The following WDR24 variants were observed in gnomAD, a reference collection of about 807,000 sequenced individuals.
The protein encoded by WDR24 is GATOR2 complex protein WDR24.
A neutral mutation model predicts 66.7 loss-of-function variants in WDR24; 32 were observed. That is an observed-to-expected ratio of 0.48 (90% CI 0.36 to 0.64). The LOEUF (loss-of-function observed/expected upper bound fraction) is 0.64. Ranked by LOEUF, WDR24 falls within the 30% of genes least tolerant of loss-of-function variation. WDR24 has a pLI of 0.00. For synonymous variants in WDR24, 565 were observed against 469.1 expected (o/e 1.20, Z -2.64); for missense variants, 978 against 1,144.1 (o/e 0.85, Z 2.09).
Position 684,835 on chromosome 16 carries a change from G to A in WDR24, c.2272C>T (p.Gln758Ter). The change falls in exon 9 of 9, where the codon CAG becomes TAG. Residue 758 changes from glutamine to a stop codon, truncating the protein, a stop_gained. Coordinates refer to ENST00000293883, the MANE Select transcript of WDR24 (RefSeq NM_032259.4). LOFTEE classifies it high-confidence loss of function. ...AGGTGGCCGCCGTGGCTGCAGCCCT[G>A]GCACCACACGAAGAGACCCTTGACT... The part of the protein sequence containing the change: ...HVVKGLFVWC[Q>*]GCSHGGHLQH... The A allele has an allele frequency of 3.3e-6, 5 of 1,532,790 alleles. No homozygotes were observed. Among genetic ancestry groups the A allele is most frequent in the Non-Finnish European group, 4.4e-6 (5 of 1,136,294 alleles). The allele number at this position is 1,532,790 out of a possible 1,614,324, so 94.9% of individuals were successfully genotyped here. A position where few individuals can be genotyped will look rare whatever the true frequency, so the allele number is the denominator to read the frequency against.
chr16:686,834 G>T lies in WDR24; in HGVS notation c.1242C>A (p.Asp414Glu), dbSNP rs1365316415. 6.2e-7 allele frequency: 1 copy of T among 1,612,104 alleles called. No individual in the cohort carries two copies. The change falls in exon 3 of 9, where the codon GAC (aspartate) becomes GAA (glutamate). Residue 414 changes from aspartate to glutamate, a missense_variant. By Grantham distance (45) the Asp-to-Glu change is conservative. This residue lies in a region of WDR24 where 676 missense variants were observed against 617.5 expected (regional missense o/e 1.09). Transcript: ENST00000293883. ...PGGGGMRWFV[D>E]TAERYALAGR... ...CAGCCAGCGCATAACGCTCAGCTGT[G>T]TCCACAAACCAGCGCATGCCGCCGC...
chr16:686,247 C>T, intron 3 of WDR24, 61 bp from the exon 4 acceptor site: 12 of 1,560,182 alleles, frequency 7.7e-6, no homozygotes, highest in Non-Finnish European at 9.6e-6. Context: ...ATGCAGGTCC[C>T]TCTCTGCCTG....
rs753168076 is a variant in WDR24, at chr16:686,965, C to T, written c.1111G>A (p.Gly371Ser). ...AAGAAGATGGGGTGGCGCCGGTCGC[C>T]AGTGTAGGGCTTGCGCCCCGACTCG... Reference protein sequence around the residue: ...AAESGRKPYTGDRRHPIFFKR... With the variant: ...AAESGRKPYTSDRRHPIFFKR... The change falls in exon 3 of 9, where the codon GGC (glycine) becomes AGC (serine). Residue 371 changes from glycine to serine, a missense_variant. Gly to Ser is a moderately conservative substitution (Grantham distance 56). Transcript: ENST00000293883. 5 of 1,599,822 alleles carry T rather than the reference C, an allele frequency of 3.1e-6. No homozygotes were observed. In the East Asian group the frequency reaches 9.0e-5, roughly 29 times the overall value.
At position 687,302 on chromosome 16, in the gene WDR24, C is replaced by T. The variant is rs2039920441; in HGVS notation, c.774G>A (p.Lys258=). The T allele has an allele frequency of 6.2e-7, 1 of 1,611,276 alleles. No individual in the cohort carries two copies. The highest frequency in any genetic ancestry group is 1.3e-5 in the African/African-American group (1 of 74,938). Reference sequence around the variant, plus strand: ...GGTGGTGGCGGCACTCTGGCCGCCACTTCACACGGGCCACCGAGGCGATGG... The same window carrying T: ...GGTGGTGGCGGCACTCTGGCCGCCATTTCACACGGGCCACCGAGGCGATGG... ...VQTIASVARV[K]WRPECRHHLA... Residue 258 remains lysine, a synonymous_variant, in exon 3 of 9, where the codon AAG becomes AAA. Transcript: ENST00000293883.
chr16:686,749 T>A lies in WDR24; in HGVS notation c.1327A>T (p.Asn443Tyr). 1 of 1,594,042 alleles carries A rather than the reference T, an allele frequency of 6.3e-7. No individual in the cohort carries two copies. Among genetic ancestry groups the A allele is most frequent in the South Asian group, 1.1e-5 (1 of 89,178 alleles). Residue 443 changes from asparagine to tyrosine, a missense_variant, in exon 3 of 9, where the codon AAC (asparagine) becomes TAC (tyrosine). Asn to Tyr is a moderately radical substitution (Grantham distance 143). Transcript: ENST00000293883. ...NAKVARELGR[N>Y]QVAQTWTMLR... ...CAGGCTCAGCACCTACCTACCTGGT[T>A]GCGGCCAAGCTCTCGAGCCACCTTT...
intron 4 of WDR24, 24 bp downstream of exon 4, chr16:686,044 G>A (rs1292849826): frequency 6.2e-7 from 1 of 1,612,806 alleles, no homozygotes; most frequent in South Asian, 1.1e-5. Flanking sequence ...CCAGCCCCTG[G>A]GGAGAGCTGC....
rs751443470 is a variant in WDR24 at position 689,654 on chromosome 16, A to G, written c.-14T>C. ...CATCTTCTCCATGGCTGCACAGGTG[A>G]TGAGGTCAGGGGTCAGGAGGTCAGT... On this transcript the variant is annotated 5_prime_UTR_variant, in exon 1 of 9. Transcript: ENST00000293883. 1.2e-6 allele frequency: 2 copies of G among 1,610,354 alleles called. No individual in the cohort carries two copies. Among genetic ancestry groups the G allele is most frequent in the Middle Eastern group, 3.3e-4 (2 of 6,056 alleles).
chr16:687,694 T>G lies in WDR24; in HGVS notation c.527A>C (p.Tyr176Ser). The G allele has an allele frequency of 6.8e-6, 11 of 1,613,570 alleles. No individual in the cohort carries two copies. Among genetic ancestry groups the G allele is most frequent in the Non-Finnish European group, 9.3e-6 (11 of 1,180,000 alleles). ...CTCAAAGGTGGAGGCGAAGGTGAAG[T>G]AGTCCCGGATACTGAACTGCACGTC... is the stretch of plus-strand genomic sequence containing the variant. Reference protein sequence around the residue: ...VRDVQFSIRDYFTFASTFENG... With the variant: ...VRDVQFSIRDSFTFASTFENG... Residue 176 changes from tyrosine to serine, a missense_variant, in exon 2 of 9, where the codon TAC (tyrosine) becomes TCC (serine). By Grantham distance (144) the Tyr-to-Ser change is moderately radical. Transcript: ENST00000293883.
At chr16:685,644 CCT>C in intron 6 of WDR24, 33 bp downstream of exon 6, 1 of 1,611,882 alleles carries the variant, frequency 6.2e-7, no homozygotes, top group Non-Finnish European at 8.5e-7. Flanking sequence ...CCTCCATCCG[CCT>C]CTGAACCCCA....
Position 685,049 on chromosome 16 carries a change from T to C in WDR24, c.2147A>G (p.His716Arg), listed in dbSNP as rs373185778. The change falls in exon 8 of 9, where the codon CAC (histidine) becomes CGC (arginine). Residue 716 changes from histidine to arginine, a missense_variant. By Grantham distance (29) the His-to-Arg change is conservative. Coordinates refer to ENST00000293883, the MANE Select transcript of WDR24 (RefSeq NM_032259.4). ...CCGCTTGCAGTGGCTGCAGTTGACG[T>C]GCAGGGTGGTGGAGGCCTGGTTGAG... is the stretch of plus-strand genomic sequence containing the variant. ...SCLNQASTTL[H>R]VNCSHCKRPM... is the part of the protein sequence containing the mutation. 8 of 1,557,504 alleles carry C rather than the reference T, an allele frequency of 5.1e-6. No homozygotes were observed. The African/African-American group carries it at 8.2e-5, about 16-fold the overall frequency.
In WDR24 at chr16:684,622, G is replaced by C; in HGVS notation, c.*112C>G. The C allele has an allele frequency of 6.9e-7, 1 of 1,439,800 alleles. No individual in the cohort carries two copies. Among genetic ancestry groups the C allele is most frequent in the South Asian group, 1.5e-5 (1 of 68,846 alleles). The allele number at this position is 1,439,800 out of a possible 1,614,324, so 89.2% of individuals were successfully genotyped here. The stretch of plus-strand genomic sequence containing the variant: ...TATGGGGTGACACGCAGTGCCGACA[G>C]CGGCTCTACTTCCTTTATTGAGGTC... On this transcript the variant is annotated 3_prime_UTR_variant, in exon 9 of 9. Transcript: ENST00000293883.
chr16:685,946 C>T lies in WDR24; in HGVS notation c.1496G>A (p.Arg499Gln), dbSNP rs377491057. The change falls in exon 5 of 9, where the codon CGG becomes CAG. Residue 499 changes from arginine to glutamine, a missense_variant. Coordinates refer to ENST00000293883, the MANE Select transcript of WDR24 (RefSeq NM_032259.4). Reference protein sequence around the residue: ...DMAPGLGSETRLDRSKGDARS... With the variant: ...DMAPGLGSETQLDRSKGDARS... ...TGCATCTCCTTTGCTGCGGTCCAGC[C>T]GCGTCTCACTGCCCAACCCTGGGGC... 10 of 1,613,040 alleles carry T rather than the reference C, an allele frequency of 6.2e-6. No homozygotes were observed. The highest frequency in any genetic ancestry group is 2.7e-5 in the African/African-American group (2 of 74,914).
At chr16:686,046 G>A in intron 4 of WDR24, 22 bp downstream of exon 4, 1 of 1,612,800 alleles carries the variant, frequency 6.2e-7, no homozygotes, top group Non-Finnish European at 8.5e-7. Flanking sequence ...AGCCCCTGGG[G>A]AGAGCTGCCC....
In WDR24 at chr16:685,660, T is replaced by TA. The variant is rs2039889875; in HGVS notation, c.1678+18_1678+19insT. 1 of 1,612,442 alleles carries TA rather than the reference T, an allele frequency of 6.2e-7. No individual in the cohort carries two copies. The highest frequency in any genetic ancestry group is 8.5e-7 in the Non-Finnish European group (1 of 1,179,964). On this transcript the variant is annotated intron_variant, in intron 6 of 8. Transcript: ENST00000293883. ...CTCCATCCGCCTCTGAACCCCACCC[T>TA]GCCCGGACCCCCACTCACGGTGCGC...
chr16:687,264 G>A lies in WDR24; in HGVS notation c.812C>T (p.Ser271Phe). Residue 271 changes from serine to phenylalanine, a missense_variant, in exon 3 of 9, where the codon TCC becomes TTC. Transcript: ENST00000293883. ...ATAGATGTTGTGGTCCACCATCATGGAGCACGTGGCCAGGTGGTGGCGGCA... is the reference window on the plus strand; with the variant it reads ...ATAGATGTTGTGGTCCACCATCATGAAGCACGTGGCCAGGTGGTGGCGGCA... ...PECRHHLATC[S>F]MMVDHNIYVW... 5 of 1,612,126 alleles carry A rather than the reference G, an allele frequency of 3.1e-6. No individual in the cohort carries two copies. The East Asian group carries it at 1.1e-4, about 36-fold the overall frequency.
Position 687,035 on chromosome 16 carries a change from G to A in WDR24, c.1041C>T (p.Leu347=). 1 of 1,603,484 alleles carries A rather than the reference G, an allele frequency of 6.2e-7. No homozygotes were observed. Among genetic ancestry groups the A allele is most frequent in the Non-Finnish European group, 8.5e-7 (1 of 1,178,930 alleles). The stretch of plus-strand genomic sequence containing the variant: ...TGGCGGCGAAGGCCAGGTCCCCGAA[G>A]AGGCCGTAGCAGAGGCCCTCAGGGT... The part of the protein sequence containing the change: ...RANPEGLCYG[L]FGDLAFAAKE... The change falls in exon 3 of 9, where the codon CTC becomes CTT. Residue 347 remains leucine, a synonymous_variant. Coordinates refer to ENST00000293883, the MANE Select transcript of WDR24 (RefSeq NM_032259.4).
chr16:687,968 C>T (rs779774920), intron 1 of WDR24: 6 of 681,520 alleles, frequency 8.8e-6, no homozygotes, highest in South Asian at 4.5e-5. Flanking sequence ...TACTCCCGGG[C>T]GTCATTTGCC....
Position 685,672 on chromosome 16 carries a change from C to G in WDR24, c.1678+7G>C, listed in dbSNP as rs527519068. ...CTGAACCCCACCCTGCCCGGACCCC[C>G]ACTCACGGTGCGCGTGTTCCGGATC... On this transcript the variant is annotated splice_region_variant and intron_variant, in intron 6 of 8. Transcript: ENST00000293883. The G allele has an allele frequency of 6.2e-7, 1 of 1,612,908 alleles. No homozygotes were observed. Among genetic ancestry groups the G allele is most frequent in the Non-Finnish European group, 8.5e-7 (1 of 1,180,008 alleles).
rs1447753672 is a variant in WDR24 at position 689,838 on chromosome 16, T to G, written c.-198A>C. 9.2e-6 allele frequency: 8 copies of G among 873,708 alleles called. No homozygotes were observed. The highest frequency in any genetic ancestry group is 1.5e-5 in the Non-Finnish European group (8 of 546,014). 54.1% of individuals were successfully genotyped at this position (873,708 alleles called of 1,614,324 possible). ...GCCTGACAGGCAAGCTCAAATTCAC[T>G]GGAGTCTGTCAGTCCAGCCCATCAC... On this transcript the variant is annotated 5_prime_UTR_variant, in exon 1 of 9. Transcript: ENST00000293883.
Sources: gnomAD v4.1 joint callset for allele counts on GRCh38, gnomAD v4.1.1 for gene constraint, gnomAD v4.1.1 regional missense constraint, MANE v1.5 for transcripts, NCBI Gene and HGNC (gene_info 2026-07-23, HGNC 2026-07-21) for gene names.